SAMD5: variants seen among roughly 807,000 people sequenced by gnomAD.
The protein encoded by SAMD5 is sterile alpha motif domain containing 5.
SAMD5 carries 13 observed loss-of-function variants against 11.3 expected under a neutral mutation model. That is an observed-to-expected ratio of 1.15 (90% CI 0.75 to 1.83). The LOEUF (loss-of-function observed/expected upper bound fraction) is 1.83, where lower values mean the gene tolerates loss of function less well. Ranked by LOEUF, SAMD5 falls within the 40% of genes most tolerant of loss-of-function variation. The pLI is 0.00. For synonymous variants in SAMD5, 129 were observed against 111.3 expected (o/e 1.16, Z -1.00); for missense variants, 255 against 239.1 (o/e 1.07, Z -0.44).
chr6:147,709,185 A>T (rs1554246050), intron 1 of SAMD5, among the ~76,000 whole-genome samples: 1 of 152,210 alleles, frequency 6.6e-6, no homozygotes, highest in Non-Finnish European at 1.5e-5. Context: ...TTGAAGAATA[A>T]TTCTTTCTAA....
Position 147,564,912 on chromosome 6 carries a change from G to C in SAMD5, c.*456G>C, listed in dbSNP as rs1227197363. On this transcript the variant is annotated 3_prime_UTR_variant, in exon 2 of 2. Transcript: ENST00000367474. ...CAGTAGCTTTAATTTTTATATTCAA[G>C]CATACATTCTACTTCATTTCATATA... The C allele has an allele frequency of 4.8e-6, 4 of 837,380 alleles. No homozygotes were observed. Among genetic ancestry groups the C allele is most frequent in the Admixed American group, 6.2e-5 (1 of 16,242 alleles). 51.9% of individuals were successfully genotyped at this position (837,380 alleles called of 1,614,324 possible).
intron 1 of SAMD5, among the ~76,000 whole-genome samples, chr6:147,669,220 G>T (rs1269648804): frequency 1.3e-5 from 2 of 152,078 alleles, no homozygotes; most frequent in Non-Finnish European, 2.9e-5. Flanking sequence ...CTCGTAAACT[G>T]TGCCACTATT....
At chr6:147,937,643 A>G in the SAMD5 span, among the ~76,000 whole-genome samples, 1 of 152,220 alleles carries the variant, frequency 6.6e-6, no homozygotes, top group Non-Finnish European at 1.5e-5. Context: ...GGTTCAAACT[A>G]CAGACAACAT....
the SAMD5 span, among the ~76,000 whole-genome samples, chr6:147,924,819 A>G: frequency 7.1e-6 from 1 of 141,304 alleles, no homozygotes; most frequent in East Asian, 2.1e-4. Flanking sequence ...AATAAATAAA[A>G]TCAACTTCAG....
In SAMD5 at chr6:147,517,236, T is replaced by C. The variant is rs187932660; in HGVS notation, c.459+7849T>C. Among the ~76,000 whole-genome samples the C allele has an allele frequency of 5.4e-4, 83 of 152,334 alleles. 4 individuals are homozygous for C. In the South Asian group the frequency reaches 0.011, roughly 21 times the overall value. On this transcript the variant is annotated intron_variant, in intron 1 of 1. Coordinates refer to ENST00000367474, the MANE Select transcript of SAMD5 (RefSeq NM_001030060.3). ...CCCTGCTGGCTAAATCATGACATAG[T>C]GCTGGAGAGGTAGGACAGTGAAGCT...
the SAMD5 span, among the ~76,000 whole-genome samples, chr6:147,794,990 A>G: frequency 6.6e-6 from 1 of 152,122 alleles, no homozygotes; most frequent in Non-Finnish European, 1.5e-5. Context: ...AAGAGTATGT[A>G]CTATACACCA....
chr6:147,558,772 A>G (rs1046259853), intron 1 of SAMD5, among the ~76,000 whole-genome samples: 6 of 151,884 alleles, frequency 4.0e-5, no homozygotes, highest in Non-Finnish European at 7.4e-5. Flanking sequence ...TTTTGATGAG[A>G]AATTACCCCA....
chr6:147,874,253 C>T, the SAMD5 span, among the ~76,000 whole-genome samples: 3 of 152,172 alleles, frequency 2.0e-5, no homozygotes, highest in African/African-American at 4.8e-5. Context: ...GGTCTTTACC[C>T]ATTTCATATT....
the SAMD5 span, among the ~76,000 whole-genome samples, chr6:147,818,199 C>A: frequency 6.6e-6 from 1 of 152,136 alleles, no homozygotes; most frequent in South Asian, 2.1e-4. Flanking sequence ...GTTCTAGGGA[C>A]TTCCAGTGGA....
chr6:147,589,336 G>C (rs370915254), intron 1 of SAMD5, among the ~76,000 whole-genome samples: 3 of 152,082 alleles, frequency 2.0e-5, no homozygotes, highest in Non-Finnish European at 4.4e-5. Flanking sequence ...CCATCTATAG[G>C]GACTTTTAAA....
chr6:147,925,065 G>A, the SAMD5 span, among the ~76,000 whole-genome samples: 1 of 152,150 alleles, frequency 6.6e-6, no homozygotes, highest in Non-Finnish European at 1.5e-5. Flanking sequence ...AAAGTTAGTG[G>A]TATGTACTGA....
the SAMD5 span, among the ~76,000 whole-genome samples, chr6:147,941,555 T>G: frequency 1.3e-5 from 2 of 152,206 alleles, no homozygotes; most frequent in African/African-American, 4.8e-5. Context: ...AATATGTTTT[T>G]TTTAGGGGTA....
the SAMD5 span, among the ~76,000 whole-genome samples, chr6:147,755,818 T>C: frequency 1.3e-5 from 2 of 152,152 alleles, no homozygotes; most frequent in Non-Finnish European, 2.9e-5. Flanking sequence ...TCAGAGTTCA[T>C]AATTAAACTG....
intron 1 of SAMD5, among the ~76,000 whole-genome samples, chr6:147,524,056 TC>T (rs1241146822): frequency 6.6e-6 from 1 of 152,208 alleles, no homozygotes; most frequent in African/African-American, 2.4e-5. Flanking sequence ...CATTAACTTT[TC>T]AGTTTTATTG....
At chr6:147,547,374 T>TG (rs1337978326) in intron 1 of SAMD5, among the ~76,000 whole-genome samples, 2 of 152,290 alleles carry the variant, frequency 1.3e-5, no homozygotes, top group Middle Eastern at 3.4e-3. Flanking sequence ...CTGGAGGTTC[T>TG]GGGGGCAGAA....
chr6:147,696,915 A>G (rs1331999742), intron 1 of SAMD5, among the ~76,000 whole-genome samples: 2 of 152,212 alleles, frequency 1.3e-5, no homozygotes, highest in Admixed American at 6.5e-5. Flanking sequence ...AATATTTAGC[A>G]TAAGTCTCTT....
At chr6:147,782,592 C>A in the SAMD5 span, among the ~76,000 whole-genome samples, 1 of 152,188 alleles carries the variant, frequency 6.6e-6, no homozygotes, top group Non-Finnish European at 1.5e-5. Context: ...AGGGGACTAT[C>A]TGATGATTCA....
At chr6:147,640,066 G>C (rs1463487466) in intron 1 of SAMD5, among the ~76,000 whole-genome samples, 2 of 152,110 alleles carry the variant, frequency 1.3e-5, no homozygotes, top group East Asian at 3.9e-4. Context: ...GGTGGCTCAT[G>C]CCTGTAAATC....
At chr6:147,772,158 T>G in the SAMD5 span, among the ~76,000 whole-genome samples, 1 of 152,158 alleles carries the variant, frequency 6.6e-6, no homozygotes, top group Non-Finnish European at 1.5e-5. Flanking sequence ...CGCTTGCAAT[T>G]TGCATCGAAA....
Sources: gnomAD v4.1 joint callset for allele counts (sites outside exome capture counted in the v4.1 genomes callset) on GRCh38, gnomAD v4.1.1 for gene constraint, MANE v1.5 for transcripts, NCBI Gene and HGNC (gene_info 2026-07-23, HGNC 2026-07-21) for gene names.